The following KIRREL1 variants were observed in gnomAD, a reference collection of about 807,000 sequenced individuals.
KIRREL1 encodes kin of IRRE-like protein 1.
Under a neutral mutation model 83.3 loss-of-function variants are expected in KIRREL1, and 25 were observed. The ratio of observed to expected loss-of-function variants is 0.30; its 90% CI spans 0.22 to 0.42. The LOEUF is 0.42. Among genes scored for constraint, KIRREL1 ranks in the 10% least tolerant of loss-of-function variants. KIRREL1 has a pLI of 1.00. For synonymous variants in KIRREL1, 388 were observed against 410.4 expected (o/e 0.95, Z 0.66); for missense variants, 812 against 1,032.3 (o/e 0.79, Z 2.92).
intron 10 of KIRREL1, among the ~76,000 whole-genome samples, chr1:158,090,235 T>C (rs1662154928): frequency 6.6e-6 from 1 of 151,786 alleles, no homozygotes; most frequent in African/African-American, 2.4e-5. Context: ...TTTTCTTTGC[T>C]CCCTCCCCTT....
intron 1 of KIRREL1, among the ~76,000 whole-genome samples, chr1:158,054,168 G>A (rs999779006): frequency 2.1e-5 from 3 of 140,406 alleles, no homozygotes; most frequent in African/African-American, 8.2e-5. Flanking sequence ...AGCTGAGATC[G>A]TGTCACTGCA....
intron 1 of KIRREL1, among the ~76,000 whole-genome samples, chr1:157,996,275 C>T (rs911416496): frequency 6.6e-6 from 1 of 152,084 alleles, no homozygotes; most frequent in African/African-American, 2.4e-5. Flanking sequence ...TTATCCTTCC[C>T]CCCGTTTCCA....
intron 5 of KIRREL1, 31 bp downstream of exon 5, chr1:158,086,777 A>AG (rs1197086039): frequency 2.8e-6 from 4 of 1,416,566 alleles, no homozygotes; most frequent in African/African-American, 1.4e-5. Flanking sequence ...AGTCTGGAGC[A>AG]GGGGGGTGGA....
chr1:158,089,351 G>A (rs1279520281), intron 8 of KIRREL1, 151 bp from the exon 9 acceptor site: 5 of 1,228,750 alleles, frequency 4.1e-6, no homozygotes, highest in Non-Finnish European at 4.6e-6. Context: ...TCAGAGCATG[G>A]ACCAAAATGG....
chr1:158,033,872 G>C (rs746506264), intron 1 of KIRREL1, among the ~76,000 whole-genome samples: 1 of 151,968 alleles, frequency 6.6e-6, no homozygotes, highest in Admixed American at 6.6e-5. Flanking sequence ...CCCAGCTACT[G>C]GGGGGCTGAG....
At chr1:158,088,779 C>A (rs1369641598) in intron 8 of KIRREL1, among the ~76,000 whole-genome samples, 1 of 152,202 alleles carries the variant, frequency 6.6e-6, no homozygotes, top group Non-Finnish European at 1.5e-5. Flanking sequence ...CCACCGCGCC[C>A]GGCCTTACTG....
intron 1 of KIRREL1, among the ~76,000 whole-genome samples, chr1:158,023,022 CCT>C (rs1019688028): frequency 1.8e-4 from 28 of 152,324 alleles, no homozygotes; most frequent in African/African-American, 6.0e-4. Flanking sequence ...CTATGTGGCC[CCT>C]GTTTTCTCCT....
Position 158,095,054 on chromosome 1 carries a change from C to G in KIRREL1, c.2208C>G (p.Phe736Leu). 1.2e-6 allele frequency: 2 copies of G among 1,613,276 alleles called. No individual in the cohort carries two copies. Among genetic ancestry groups the G allele is most frequent in the Non-Finnish European group, 1.7e-6 (2 of 1,179,430 alleles). ...GCAAGTACGCCACAGCCACTCGATT[C>G]TCCTACACCTCCCAGCACTCGGACT... ...PIGKYATATRFSYTSQHSDYG... is the reference protein window; with the variant it reads ...PIGKYATATRLSYTSQHSDYG... The change falls in exon 15 of 15, where the codon TTC becomes TTG. Residue 736 changes from phenylalanine (F) to leucine (L), a missense_variant. Transcript: ENST00000359209.
At chr1:158,011,684 C>T (rs1427893462) in intron 1 of KIRREL1, among the ~76,000 whole-genome samples, 1 of 152,174 alleles carries the variant, frequency 6.6e-6, no homozygotes, top group Non-Finnish European at 1.5e-5. Flanking sequence ...CTCTCCTTCC[C>T]TGGGCCACAG....
intron 3 of KIRREL1, among the ~76,000 whole-genome samples, chr1:158,083,082 A>G (rs551926274): frequency 3.3e-5 from 5 of 152,356 alleles, no homozygotes; most frequent in African/African-American, 1.2e-4. Context: ...CGCTACCCTC[A>G]GGGAACTTAC....
intron 1 of KIRREL1, among the ~76,000 whole-genome samples, chr1:158,053,391 G>A (rs1414620579): frequency 6.6e-5 from 10 of 152,146 alleles, no homozygotes; most frequent in Admixed American, 6.5e-4. Flanking sequence ...GCATCTTAAG[G>A]TTGCCATGCA....
intron 13 of KIRREL1, 28 bp downstream of exon 13, chr1:158,093,790 C>G: frequency 6.2e-7 from 1 of 1,612,558 alleles, no homozygotes; most frequent in Non-Finnish European, 8.5e-7. Context: ...CTCTGGCCTC[C>G]TGCCTTCTCC....
At chr1:158,042,619 C>T (rs1660659399) in intron 1 of KIRREL1, among the ~76,000 whole-genome samples, 1 of 152,114 alleles carries the variant, frequency 6.6e-6, no homozygotes, top group Admixed American at 6.5e-5. Context: ...ATGTACTTTA[C>T]AGATGCATGT....
Position 158,094,426 on chromosome 1 carries a change from G to A in KIRREL1, c.1797+36G>A, listed in dbSNP as rs1454850809. ...GGGAAGGGGCCAGGGCATGAGGGCT[G>A]GTGGGCCAGTGGGTTTCTGAGGTCC... is the stretch of plus-strand genomic sequence containing the variant. On this transcript the variant is annotated intron_variant, in intron 14 of 14. Transcript: ENST00000359209. This position sits in a 1 kb window ranked among gnomAD's most constrained non-coding sequence, Gnocchi z 4.6. 9 of 1,595,156 alleles carry A rather than the reference G, an allele frequency of 5.6e-6. No homozygotes were observed. Among genetic ancestry groups the A allele is most frequent in the Non-Finnish European group, 7.7e-6 (9 of 1,165,428 alleles).
intron 1 of KIRREL1, among the ~76,000 whole-genome samples, chr1:158,042,455 A>G (rs531723717): frequency 6.6e-6 from 1 of 152,218 alleles, no homozygotes; most frequent in South Asian, 2.1e-4. Context: ...CTATTACCTC[A>G]TTCTCTGTTA....
At chr1:158,075,321 G>A (rs11264898) in intron 1 of KIRREL1, among the ~76,000 whole-genome samples, 13,710 of 152,308 alleles carry the variant, frequency 0.09, 690 homozygotes, top group East Asian at 0.15. Context: ...TCCCACAGCC[G>A]GAGGGAGAGT....
At chr1:158,030,190 C>T (rs1660285657) in intron 1 of KIRREL1, among the ~76,000 whole-genome samples, 1 of 152,192 alleles carries the variant, frequency 6.6e-6, no homozygotes, top group Non-Finnish European at 1.5e-5. Flanking sequence ...TGTTGTATTT[C>T]ATGTTTCACA....
rs1016462969 is a variant in KIRREL1 at position 158,084,464 on chromosome 1, T to C, written c.395T>C (p.Leu132Pro). ...DTRIDGGPVI[L>P]LQAGTPHNLT... is the part of the protein sequence containing the mutation. The stretch of plus-strand genomic sequence containing the variant: ...AGGATTGACGGAGGCCCTGTGATTC[T>C]ACTGCAGGCAGGCACCCCCCACAAC... The change falls in exon 4 of 15, where the codon CTA (leucine) becomes CCA (proline). Residue 132 changes from leucine (L) to proline (P), a missense_variant. Leu to Pro is a moderately conservative substitution (Grantham distance 98). Coordinates refer to ENST00000359209, the MANE Select transcript of KIRREL1 (RefSeq NM_018240.7). 1.3e-6 allele frequency: 2 copies of C among 1,551,726 alleles called. No homozygotes were observed. The highest frequency in any genetic ancestry group is 1.7e-6 in the Non-Finnish European group (2 of 1,147,028).
Position 158,067,824 on chromosome 1 carries a change from C to G in KIRREL1, c.53-8289C>G, listed in dbSNP as rs1299124699. On this transcript the variant is annotated intron_variant, in intron 1 of 14. Coordinates refer to ENST00000359209, the MANE Select transcript of KIRREL1 (RefSeq NM_018240.7). ...GGCCCAGAACAGTAAGCCTTCTTGC[C>G]CTGTCACTGTAAGCACCAGCCAGCC... 2.6e-5 allele frequency among the ~76,000 whole-genome samples: 4 copies of G among 152,176 alleles called. No individual in the cohort carries two copies. The East Asian group carries it at 7.7e-4, about 29-fold the overall frequency.
Sources: gnomAD v4.1 joint callset for allele counts (sites outside exome capture counted in the v4.1 genomes callset) on GRCh38, gnomAD v4.1.1 for gene constraint, Gnocchi (gnomAD v3.1) non-coding constraint, MANE v1.5 for transcripts, NCBI Gene and HGNC (gene_info 2026-07-23, HGNC 2026-07-21) for gene names.